Variants in LACTB2 observed in about 807,000 individuals in gnomAD.
LACTB2 encodes the protein endoribonuclease LACTB2.
A neutral mutation model predicts 34.8 loss-of-function variants in LACTB2; 32 were observed. That is an observed-to-expected ratio of 0.92 (90% CI 0.69 to 1.24). The LOEUF (loss-of-function observed/expected upper bound fraction) is 1.24. LACTB2 is among the 50% of genes most tolerant of loss of function. The probability of loss-of-function intolerance (pLI) is 0.00; values close to 1 mark genes in which losing one functional copy is unlikely to be tolerated. For missense variants in LACTB2, 320 were observed against 345.0 expected (o/e 0.93, Z 0.57); for synonymous variants, 120 against 117.5 (o/e 1.02, Z -0.14).
intron 3 of LACTB2, among the ~76,000 whole-genome samples, chr8:70,657,205 C>T (rs993194646): frequency 4.6e-5 from 7 of 152,070 alleles, no homozygotes; most frequent in African/African-American, 7.2e-5. Flanking sequence ...CCCTAAGCCT[C>T]CTTGGGAGAC....
In LACTB2 at chr8:70,638,809, G is replaced by A. The variant is rs191097102; in HGVS notation, c.742-180C>T. On this transcript the variant is annotated intron_variant, in intron 5 of 6. Coordinates refer to ENST00000276590, the MANE Select transcript of LACTB2 (RefSeq NM_016027.3). ...AGGCTGGAATGCAGTGGTGCATCTC[G>A]GCTCACTGCAACCTCCGCCTCCCAG... Among the ~76,000 whole-genome samples the A allele has an allele frequency of 6.4e-3, 960 of 150,158 alleles. 11 individuals are homozygous for A. The highest frequency in any genetic ancestry group is 0.023 in the African/African-American group (916 of 40,662).
intron 3 of LACTB2, chr8:70,646,025 G>A (rs561741073): frequency 2.0e-5 from 3 of 152,254 alleles, no homozygotes; most frequent in East Asian, 1.9e-4. Flanking sequence ...TGGGACTGCT[G>A]GGTCAAATGG....
chr8:70,655,129 AATGTTT>A (rs1469640567), intron 3 of LACTB2, among the ~76,000 whole-genome samples: 1 of 151,844 alleles, frequency 6.6e-6, no homozygotes, highest in East Asian at 1.9e-4. Flanking sequence ...GAGAACAAAC[AATGTTT>A]GGTTTTCCAT....
chr8:70,642,916 G>C (rs1035494878), intron 4 of LACTB2, among the ~76,000 whole-genome samples: 1 of 151,918 alleles, frequency 6.6e-6, no homozygotes, highest in Non-Finnish European at 1.5e-5. Context: ...AGAAGCTATT[G>C]GTATTTCAAT....
intron 3 of LACTB2, among the ~76,000 whole-genome samples, chr8:70,656,905 T>C (rs1019064233): frequency 1.3e-5 from 2 of 151,992 alleles, no homozygotes; most frequent in Non-Finnish European, 2.9e-5. Context: ...GGGAGGGGGA[T>C]GGTAAAGGTG....
At chr8:70,639,436 A>T (rs1194685270) in intron 5 of LACTB2, among the ~76,000 whole-genome samples, 2 of 152,130 alleles carry the variant, frequency 1.3e-5, no homozygotes, top group African/African-American at 4.8e-5. Flanking sequence ...CTGGGATTAC[A>T]GGCGTGAGCC....
At chr8:70,658,123 T>G (rs906954926) in intron 2 of LACTB2, among the ~76,000 whole-genome samples, 1 of 152,332 alleles carries the variant, frequency 6.6e-6, no homozygotes, top group South Asian at 2.1e-4. Flanking sequence ...CTCTATTTTT[T>G]GAGTCAGTCC....
chr8:70,637,936 A>T, intron 6 of LACTB2, 33 bp from the exon 7 acceptor site: 1 of 1,304,082 alleles, frequency 7.7e-7, no homozygotes. Flanking sequence ...TAAAAATTTA[A>T]CAATAGATAA....
At chr8:70,643,404 G>T (rs1031953029) in intron 4 of LACTB2, among the ~76,000 whole-genome samples, 6 of 151,798 alleles carry the variant, frequency 4.0e-5, no homozygotes, top group Admixed American at 6.6e-5. Context: ...TGTATTATTA[G>T]TAGAGACAGG....
chr8:70,668,892 T>C (rs1818580766), intron 1 of LACTB2, 107 bp downstream of exon 1: 8 of 1,469,418 alleles, frequency 5.4e-6, no homozygotes, highest in Non-Finnish European at 7.3e-6. Context: ...GCTGCCCAGC[T>C]AGGGACAGGA....
At position 70,661,836 on chromosome 8, in the gene LACTB2, C is replaced by T; in HGVS notation, c.184G>A (p.Ala62Thr). 2.5e-6 allele frequency: 4 copies of T among 1,613,396 alleles called. No individual in the cohort carries two copies. The highest frequency in any genetic ancestry group is 3.4e-6 in the Non-Finnish European group (4 of 1,179,730). ...IPEYISCLKQ[A>T]LTEFNTAIQE... ...ATTGCTGTGTTAAATTCAGTTAGAG[C>T]CTGCTTTAAACAGCTGATGTATTCT... The change falls in exon 2 of 7, where the codon GCT becomes ACT. Residue 62 changes from alanine (A) to threonine (T), a missense_variant. Coordinates refer to ENST00000276590, the MANE Select transcript of LACTB2 (RefSeq NM_016027.3).
intron 2 of LACTB2, chr8:70,660,497 C>T: frequency 2.5e-6 from 1 of 400,182 alleles, no homozygotes; most frequent in South Asian, 1.9e-5. Flanking sequence ...ATTGTAGTCA[C>T]AAGGCCTAAA....
intron 1 of LACTB2, 118 bp downstream of exon 1, chr8:70,668,881 G>A: frequency 7.2e-7 from 1 of 1,397,830 alleles, no homozygotes. Flanking sequence ...CTAGGCGCGG[G>A]GCTGCCCAGC....
chr8:70,638,744 A>AT (rs377700622), intron 5 of LACTB2, 115 bp from the exon 6 acceptor site: 79,150 of 630,664 alleles, frequency 0.13, 868 homozygotes, highest in African/African-American at 0.16. Flanking sequence ...TCTTAAACAC[A>AT]TTTTTTTTTT....
rs1818594226 is a variant in LACTB2, at chr8:70,669,175, G to C, written c.-55C>G. On this transcript the variant is annotated 5_prime_UTR_variant, in exon 1 of 7. Transcript: ENST00000276590. ...CCTATCTGGATACTCCAGCGCGGAA[G>C]AAGCCAACAGGCCGGGGATAGCGAG... 6.3e-7 allele frequency: 1 copy of C among 1,593,440 alleles called. No individual in the cohort carries two copies. The highest frequency in any genetic ancestry group is 1.7e-5 in the Admixed American group (1 of 58,034).
intron 3 of LACTB2, among the ~76,000 whole-genome samples, chr8:70,651,557 G>A (rs1288005152): frequency 1.3e-5 from 2 of 151,970 alleles, no homozygotes; most frequent in Admixed American, 6.6e-5. Context: ...CTCACTTGTA[G>A]AACCACTCTT....
rs371842598 is a variant in LACTB2, at chr8:70,644,286, C to T, written c.414-43G>A. On this transcript the variant is annotated intron_variant, in intron 3 of 6. Transcript: ENST00000276590. ...TAAGGAATAATAACAATTATGAACT[C>T]GAGCTTAGAAGAAATTTTGAGAAGT... 4.5e-5 allele frequency: 60 copies of T among 1,344,480 alleles called. No homozygotes were observed. The South Asian group carries it at 6.1e-4, about 14-fold the overall frequency. The allele number at this position is 1,344,480 out of a possible 1,614,324, so 83.3% of individuals were successfully genotyped here. A position where few individuals can be genotyped will look rare whatever the true frequency, so the allele number is the denominator to read the frequency against.
chr8:70,666,313 A>G (rs545936889), intron 1 of LACTB2, among the ~76,000 whole-genome samples: 1 of 152,326 alleles, frequency 6.6e-6, no homozygotes, highest in South Asian at 2.1e-4. Context: ...CATGAAAAGT[A>G]TGGAGTGTCC....
At chr8:70,641,860 G>C (rs907207064) in intron 4 of LACTB2, among the ~76,000 whole-genome samples, 1 of 152,092 alleles carries the variant, frequency 6.6e-6, no homozygotes. Context: ...AACCTATTAC[G>C]GGATCTGGTT....
Sources: allele counts gnomAD v4.1 joint callset (sites outside exome capture counted in the v4.1 genomes callset), GRCh38; gene constraint gnomAD v4.1.1; transcripts MANE v1.5; gene names NCBI Gene and HGNC (gene_info 2026-07-23, HGNC 2026-07-21).